PLXNC1: variants seen among roughly 807,000 people sequenced by gnomAD.
The protein encoded by PLXNC1 is plexin-C1.
Under a neutral mutation model 178.2 loss-of-function variants are expected in PLXNC1, and 75 were observed. That is an observed-to-expected ratio of 0.42 (90% CI 0.35 to 0.51). The LOEUF (loss-of-function observed/expected upper bound fraction) is 0.51. Ranked by LOEUF, PLXNC1 falls within the 20% of genes least tolerant of loss-of-function variation. The pLI, the probability that PLXNC1 is intolerant of heterozygous loss-of-function variation, is 0.02. For missense variants in PLXNC1, 1,503 were observed against 1,984.4 expected (o/e 0.76, Z 4.61); for synonymous variants, 790 against 779.9 (o/e 1.01, Z -0.22).
At chr12:94,278,815 G>A (rs142182958) in intron 21 of PLXNC1, among the ~76,000 whole-genome samples, 197 of 152,216 alleles carry the variant, frequency 1.3e-3, no homozygotes, top group Middle Eastern at 6.8e-3. Context: ...GGCCAACATG[G>A]TGAAACCCCG....
At chr12:94,231,328 G>C (rs369705765) in intron 9 of PLXNC1, among the ~76,000 whole-genome samples, 1 of 152,114 alleles carries the variant, frequency 6.6e-6, no homozygotes, top group Non-Finnish European at 1.5e-5. Flanking sequence ...CAGGACACAC[G>C]CTAGAGGAAA....
intron 8 of PLXNC1, 51 bp downstream of exon 8, chr12:94,226,758 T>G: frequency 7.7e-7 from 1 of 1,292,064 alleles, no homozygotes. Context: ...GCATGGTGGC[T>G]CACGCCTGCA....
In PLXNC1 at chr12:94,252,230, C is replaced by G. The variant is rs182693080; in HGVS notation, c.2881+702C>G. ...CACCCCCCACCACCCATCACCCCAG[C>G]CTCATTTCAGTCTTGATTTTCTGGG... is the stretch of plus-strand genomic sequence containing the variant. On this transcript the variant is annotated intron_variant, in intron 15 of 30. Transcript: ENST00000258526. 2.9e-3 allele frequency among the ~76,000 whole-genome samples: 435 copies of G among 152,270 alleles called. 3 individuals carry two copies. The highest frequency in any genetic ancestry group is 5.2e-3 in the Non-Finnish European group (356 of 68,024).
rs779335304 is a variant in PLXNC1 at position 94,255,199 on chromosome 12, C to T, written c.2990C>T (p.Ala997Val). The T allele has an allele frequency of 9.3e-6, 15 of 1,612,178 alleles. No individual in the cohort carries two copies. The highest frequency in any genetic ancestry group is 1.7e-6 in the Non-Finnish European group (2 of 1,178,180). Residue 997 changes from alanine to valine, a missense_variant, in exon 17 of 31, where the codon GCT becomes GTT. This residue lies in a region of PLXNC1 where 639 missense variants were observed against 979.7 expected (regional missense o/e 0.65). Coordinates refer to ENST00000258526, the MANE Select transcript of PLXNC1 (RefSeq NM_005761.3). ...TTGGGATTCTGTTTTGCAGGCTTTG[C>T]TGAGCTGCAGATGGATAAATTGGAT... ...ELRKEIRDGF[A>V]ELQMDKLDVV... is the part of the protein sequence containing the mutation.
intron 24 of PLXNC1, among the ~76,000 whole-genome samples, chr12:94,295,255 A>C (rs185592653): frequency 5.2e-4 from 79 of 152,314 alleles, no homozygotes; most frequent in South Asian, 1.4e-3. Flanking sequence ...AGCAGGGAGC[A>C]TCTGGCCAGT....
chr12:94,251,853 G>T (rs1033739359), intron 15 of PLXNC1, among the ~76,000 whole-genome samples: 1 of 152,154 alleles, frequency 6.6e-6, no homozygotes, highest in African/African-American at 2.4e-5. Context: ...TTAGCCGGGC[G>T]TGATGGCAGG....
intron 9 of PLXNC1, among the ~76,000 whole-genome samples, chr12:94,230,823 G>A (rs1378324426): frequency 6.6e-6 from 1 of 152,176 alleles, no homozygotes; most frequent in Non-Finnish European, 1.5e-5. Flanking sequence ...TACTTCCTGT[G>A]TGCTAGGCAC....
intron 19 of PLXNC1, 94 bp downstream of exon 19, chr12:94,259,828 C>G (rs925353458): frequency 1.6e-5 from 18 of 1,095,004 alleles, no homozygotes; most frequent in Non-Finnish European, 2.0e-5. Context: ...TTTTGGGAGG[C>G]CAAGGCAGGC....
intron 9 of PLXNC1, among the ~76,000 whole-genome samples, chr12:94,227,837 T>G (rs1963988964): frequency 6.6e-6 from 1 of 152,232 alleles, no homozygotes; most frequent in Admixed American, 6.5e-5. Flanking sequence ...AGAGGGGACA[T>G]GTCAACGTAA....
chr12:94,266,816 G>C (rs148967019), intron 21 of PLXNC1, among the ~76,000 whole-genome samples: 1 of 152,360 alleles, frequency 6.6e-6, no homozygotes, highest in East Asian at 1.9e-4. Context: ...CCAGGCATGT[G>C]AGTGCTACCT....
At chr12:94,212,537 C>T (rs1963511971) in intron 5 of PLXNC1, among the ~76,000 whole-genome samples, 2 of 147,236 alleles carry the variant, frequency 1.4e-5, no homozygotes, top group South Asian at 4.5e-4. Context: ...CAAGTGATCT[C>T]ATTGTTCAGT....
chr12:94,258,365 G>C (rs1964913294), intron 17 of PLXNC1, among the ~76,000 whole-genome samples: 1 of 151,896 alleles, frequency 6.6e-6, no homozygotes, highest in Non-Finnish European at 1.5e-5. Context: ...TCTTTTGCTT[G>C]GGCTTGCAGA....
chr12:94,210,550 T>C (rs1206386773), intron 5 of PLXNC1, among the ~76,000 whole-genome samples: 1 of 152,194 alleles, frequency 6.6e-6, no homozygotes, highest in Non-Finnish European at 1.5e-5. Context: ...AACAAGGAAA[T>C]GGGCCACTTT....
At chr12:94,155,411 A>G (rs1209773766) in intron 1 of PLXNC1, among the ~76,000 whole-genome samples, 1 of 152,218 alleles carries the variant, frequency 6.6e-6, no homozygotes, top group Non-Finnish European at 1.5e-5. Flanking sequence ...CAAGCTCTCA[A>G]CGTGATTTGA....
intron 21 of PLXNC1, among the ~76,000 whole-genome samples, chr12:94,267,649 C>G (rs1408948783): frequency 1.3e-5 from 2 of 152,212 alleles, no homozygotes; most frequent in African/African-American, 4.8e-5. Context: ...CTTATGGGGC[C>G]TGGCCCAGCC....
Position 94,262,160 on chromosome 12 carries a change from G to A in PLXNC1, c.3450+1320G>A, listed in dbSNP as rs146460292. 1.1e-4 allele frequency among the ~76,000 whole-genome samples: 17 copies of A among 152,280 alleles called. No individual in the cohort carries two copies. The East Asian group carries it at 2.7e-3, about 24-fold the overall frequency. On this transcript the variant is annotated intron_variant, in intron 20 of 30. Coordinates refer to ENST00000258526, the MANE Select transcript of PLXNC1 (RefSeq NM_005761.3). ...ACAGTCTCACTGGATCAGAAGCTCC[G>A]GAAGTGGAGCCCAGTAATCCATGAT...
chr12:94,169,032 A>C, intron 1 of PLXNC1, 121 bp from the exon 2 acceptor site: 1 of 855,390 alleles, frequency 1.2e-6, no homozygotes. Flanking sequence ...AAGAGAATAT[A>C]TGTGGGGCCC....
chr12:94,149,853 C>T lies in PLXNC1; in HGVS notation c.882C>T (p.Leu294=), dbSNP rs560001465. The part of the protein sequence containing the change: ...GHGHPDGRRL[L]LSSSLVEALD... ...GCCACCCCGACGGCCGCCGCCTGCT[C>T]CTCTCCTCCAGCCTAGTGGAGGCCC... Residue 294 remains leucine (L), a synonymous_variant, in exon 1 of 31, where the codon CTC becomes CTT. Transcript: ENST00000258526. 7.9e-5 allele frequency: 126 copies of T among 1,587,836 alleles called. 2 individuals carry two copies. The South Asian group carries it at 1.4e-3, about 17-fold the overall frequency.
chr12:94,276,221 G>A (rs1250693299), intron 21 of PLXNC1, among the ~76,000 whole-genome samples: 1 of 152,096 alleles, frequency 6.6e-6, no homozygotes, highest in Non-Finnish European at 1.5e-5. Context: ...CGATTAAAAG[G>A]TGCCTCCCAT....
Sources: allele counts gnomAD v4.1 joint callset (sites outside exome capture counted in the v4.1 genomes callset), GRCh38; gene constraint gnomAD v4.1.1; regional missense constraint gnomAD v4.1.1; transcripts MANE v1.5; gene names NCBI Gene and HGNC (gene_info 2026-07-23, HGNC 2026-07-21).